The following WDR49 variants were observed in gnomAD, a reference collection of about 807,000 sequenced individuals.
WDR49 encodes the protein cilia- and flagella-associated protein 337.
Under a neutral mutation model 119.5 loss-of-function variants are expected in WDR49, and 107 were observed. That is an observed-to-expected ratio of 0.90 (90% CI 0.77 to 1.05). WDR49 has a LOEUF of 1.05. WDR49 is among the 50% of genes least tolerant of loss of function. The pLI, the probability that WDR49 is intolerant of heterozygous loss-of-function variation, is 0.00. For missense variants in WDR49, 1,240 were observed against 1,220.5 expected (o/e 1.02, Z -0.24); for synonymous variants, 425 against 418.8 (o/e 1.01, Z -0.18).
chr3:167,497,748 A>C (rs1751409862), intron 18 of WDR49, among the ~76,000 whole-genome samples: 1 of 151,914 alleles, frequency 6.6e-6, no homozygotes, highest in Non-Finnish European at 1.5e-5. Flanking sequence ...TTCCTCCTGA[A>C]TGCCTACCCT....
At chr3:167,617,017 C>T (rs185070959) in intron 5 of WDR49, among the ~76,000 whole-genome samples, 2 of 152,096 alleles carry the variant, frequency 1.3e-5, no homozygotes, top group Middle Eastern at 3.4e-3. Context: ...AATGTGGGTA[C>T]AGAAATTGGT....
chr3:167,632,671 T>C (rs957978642), intron 2 of WDR49, among the ~76,000 whole-genome samples: 7 of 152,102 alleles, frequency 4.6e-5, no homozygotes, highest in African/African-American at 7.2e-5. Context: ...ATTAAGGTAA[T>C]TGATCTTTTA....
intron 7 of WDR49, among the ~76,000 whole-genome samples, chr3:167,579,071 C>A (rs1035426947): frequency 6.6e-6 from 1 of 151,996 alleles, no homozygotes; most frequent in Non-Finnish European, 1.5e-5. Flanking sequence ...TCTCTCCTAC[C>A]GTCATGTGAA....
chr3:167,565,380 T>TAAACACACACACACAC (rs1713532952), intron 8 of WDR49, among the ~76,000 whole-genome samples: 1 of 129,022 alleles, frequency 7.8e-6, no homozygotes, highest in South Asian at 2.6e-4. Context: ...CATATCTATC[T>TAAACACACACACACAC]ACACACACAC....
Position 167,532,913 on chromosome 3 carries a change from G to T in WDR49, c.2019C>A (p.His673Gln). ...NSTENAHHVL[H>Q]PDYQRLLKSK... The stretch of plus-strand genomic sequence containing the variant: ...ACTTTAGCAACCTCTGGTAATCAGG[G>T]TGAAGAACATGGTGAGCATTCTCTG... The change falls in exon 12 of 19, where the codon CAC becomes CAA. Residue 673 changes from histidine to glutamine, a missense_variant. Coordinates refer to ENST00000682715, the MANE Select transcript of WDR49 (RefSeq NM_001366157.1). The T allele has an allele frequency of 6.2e-7, 1 of 1,609,696 alleles. No homozygotes were observed. Among genetic ancestry groups the T allele is most frequent in the East Asian group, 2.2e-5 (1 of 44,752 alleles).
chr3:167,558,062 C>G (rs925605284), intron 9 of WDR49, among the ~76,000 whole-genome samples: 1 of 151,978 alleles, frequency 6.6e-6, no homozygotes, highest in Non-Finnish European at 1.5e-5. Flanking sequence ...GAAACCAACC[C>G]AGGAACACAG....
At chr3:167,654,713 T>A, upstream of WDR49, among the ~76,000 whole-genome samples, 1 of 151,742 alleles carries the variant, frequency 6.6e-6, no homozygotes, top group South Asian at 2.1e-4. Flanking sequence ...CTGGGCAACA[T>A]GACGAGACAT....
chr3:167,625,096 G>A (rs1321105548), intron 3 of WDR49, among the ~76,000 whole-genome samples: 2 of 152,048 alleles, frequency 1.3e-5, no homozygotes, highest in Non-Finnish European at 2.9e-5. Flanking sequence ...TACTGAGGAT[G>A]AGAATGATCT....
intron 10 of WDR49, among the ~76,000 whole-genome samples, chr3:167,552,139 G>T (rs1712610588): frequency 6.6e-6 from 1 of 151,926 alleles, no homozygotes; most frequent in Admixed American, 6.6e-5. Context: ...TACAGAAAAT[G>T]GGAGAAAATG....
At position 167,522,445 on chromosome 3, in the gene WDR49, T is replaced by C; in HGVS notation, c.2644A>G (p.Lys882Glu). Residue 882 changes from lysine (K) to glutamate (E), a missense_variant, in exon 16 of 19, where the codon AAA becomes GAA. Transcript: ENST00000682715. The stretch of plus-strand genomic sequence containing the variant: ...CTTTCCACTAAATTAGTATCTCTTT[T>C]AGGAAGGAAAAGGCAGTTTTCAATA... ...WHIENCLFLP[K>E]RDTNLVESEI... 1 of 1,606,002 alleles carries C rather than the reference T, an allele frequency of 6.2e-7. No homozygotes were observed. Among genetic ancestry groups the C allele is most frequent in the Non-Finnish European group, 8.5e-7 (1 of 1,178,182 alleles).
chr3:167,564,616 T>C (rs1713477020), intron 8 of WDR49, among the ~76,000 whole-genome samples: 1 of 152,206 alleles, frequency 6.6e-6, no homozygotes, highest in Non-Finnish European at 1.5e-5. Flanking sequence ...GACGGGGCCC[T>C]GACAGTCTGC....
At chr3:167,606,759 C>G (rs1716082498) in intron 5 of WDR49, among the ~76,000 whole-genome samples, 1 of 152,100 alleles carries the variant, frequency 6.6e-6, no homozygotes, top group African/African-American at 2.4e-5. Context: ...TAGAATTTAC[C>G]TGGATTGTGT....
chr3:167,499,060 A>G (rs978099601), intron 18 of WDR49, among the ~76,000 whole-genome samples: 6 of 152,244 alleles, frequency 3.9e-5, no homozygotes, highest in African/African-American at 1.4e-4. Flanking sequence ...TGCCCTCACA[A>G]GAGCAAGCAA....
At chr3:167,581,091 C>T (rs1013641439) in intron 7 of WDR49, among the ~76,000 whole-genome samples, 1 of 152,092 alleles carries the variant, frequency 6.6e-6, no homozygotes, top group Non-Finnish European at 1.5e-5. Context: ...TGTATTTCAT[C>T]TTCACTTGTA....
intron 16 of WDR49, among the ~76,000 whole-genome samples, chr3:167,511,661 G>A (rs770472791): frequency 2.0e-5 from 3 of 152,084 alleles, no homozygotes; most frequent in Non-Finnish European, 4.4e-5. Context: ...CTTGGTGAAC[G>A]CTTGGGTTGC....
At chr3:167,480,212 G>A (rs762577661) in intron 18 of WDR49, among the ~76,000 whole-genome samples, 2 of 128,472 alleles carry the variant, frequency 1.6e-5, no homozygotes, top group South Asian at 2.4e-4. Flanking sequence ...TCAAGCCATC[G>A]CACTCCAGCC....
intron 10 of WDR49, among the ~76,000 whole-genome samples, chr3:167,545,842 G>C (rs772440559): frequency 4.8e-4 from 72 of 149,942 alleles, no homozygotes; most frequent in Non-Finnish European, 8.9e-4. Context: ...AACACCACCT[G>C]TACCCCCAAA....
At chr3:167,495,768 A>C (rs1359101118) in intron 18 of WDR49, among the ~76,000 whole-genome samples, 1 of 151,930 alleles carries the variant, frequency 6.6e-6, no homozygotes, top group Non-Finnish European at 1.5e-5. Flanking sequence ...TCTGAAAACC[A>C]AGGCTAAAGA....
At chr3:167,657,461 A>T (rs1718632361), upstream of WDR49, among the ~76,000 whole-genome samples, 1 of 152,096 alleles carries the variant, frequency 6.6e-6, no homozygotes, top group Non-Finnish European at 1.5e-5. Context: ...CTCTATGCCC[A>T]CCATTGCTCA....
Sources: gnomAD v4.1 joint callset for allele counts (sites outside exome capture counted in the v4.1 genomes callset) on GRCh38, gnomAD v4.1.1 for gene constraint, MANE v1.5 for transcripts, NCBI Gene and HGNC (gene_info 2026-07-23, HGNC 2026-07-21) for gene names.